ANXA2: variants seen among roughly 807,000 people sequenced by gnomAD.
The protein encoded by ANXA2 is annexin A2.
A neutral mutation model predicts 47.3 loss-of-function variants in ANXA2; 28 were observed. That is an observed-to-expected ratio of 0.59 (90% confidence interval 0.44 to 0.81). The LOEUF (loss-of-function observed/expected upper bound fraction) is 0.81. Ranked by LOEUF, ANXA2 falls within the 40% of genes least tolerant of loss-of-function variation. The probability of loss-of-function intolerance (pLI) is 0.00; values close to 1 mark genes in which losing one functional copy is unlikely to be tolerated. For synonymous variants in ANXA2, 172 were observed against 155.5 expected (o/e 1.11, Z -0.79); for missense variants, 384 against 414.3 (o/e 0.93, Z 0.64).
At chr15:60,354,059 T>A (rs898973554) in intron 8 of ANXA2, 95 bp downstream of exon 8, 92 of 937,560 alleles carry the variant, frequency 9.8e-5, no homozygotes, top group Non-Finnish European at 1.5e-4. Flanking sequence ...CCACAGAGTT[T>A]GGGAGTCATT....
chr15:60,347,697 G>C lies in ANXA2; in HGVS notation c.961-8C>G. On this transcript the variant is annotated splice_region_variant and splice_polypyrimidine_tract_variant and intron_variant, in intron 12 of 12. Coordinates refer to ENST00000451270, the MANE Select transcript of ANXA2 (RefSeq NM_004039.3). Reference sequence around the variant, plus strand: ...GTCGCCCTTAGTGTCTTGCTACAATGGCCCAGGAAAGAAAAGAAACGTGGT... The same window carrying C: ...GTCGCCCTTAGTGTCTTGCTACAATCGCCCAGGAAAGAAAAGAAACGTGGT... 1 of 1,613,892 alleles carries C rather than the reference G, an allele frequency of 6.2e-7. No individual in the cohort carries two copies. The highest frequency in any genetic ancestry group is 8.5e-7 in the Non-Finnish European group (1 of 1,179,820).
chr15:60,369,718 G>A (rs957893974), intron 3 of ANXA2, among the ~76,000 whole-genome samples: 3 of 152,186 alleles, frequency 2.0e-5, no homozygotes, highest in African/African-American at 4.8e-5. Flanking sequence ...AAACTCCCTA[G>A]TAATTCCTTA....
rs1595682707 is a variant in ANXA2 at position 60,367,413 on chromosome 15, G to A, written c.149-2890C>T. On this transcript the variant is annotated intron_variant, in intron 3 of 12. Transcript: ENST00000451270. The stretch of plus-strand genomic sequence containing the variant: ...GGAGGCGGGGGGGGGTCGGCCAGCC[G>A]CCCCGTCCGGGAGGGAGGTGGGGGG... 8.4e-5 allele frequency among the ~76,000 whole-genome samples: 3 copies of A among 35,838 alleles called. 1 individual carries two copies. Among genetic ancestry groups the A allele is most frequent in the African/African-American group, 2.5e-4 (2 of 7,868 alleles). 23.5% of individuals were successfully genotyped at this position (35,838 alleles called of 152,430 possible).
At chr15:60,370,984 C>T (rs2062702626) in intron 3 of ANXA2, among the ~76,000 whole-genome samples, 2 of 152,178 alleles carry the variant, frequency 1.3e-5, no homozygotes, top group Admixed American at 1.3e-4. Flanking sequence ...GGTGACCCCA[C>T]AGAATATGGG....
At chr15:60,354,664 A>C (rs1851203546) in intron 7 of ANXA2, among the ~76,000 whole-genome samples, 1 of 151,812 alleles carries the variant, frequency 6.6e-6, no homozygotes, top group Non-Finnish European at 1.5e-5. Context: ...AAAGAAAAAG[A>C]AACCTAGACC....
intron 12 of ANXA2, among the ~76,000 whole-genome samples, chr15:60,348,245 C>G (rs562726158): frequency 6.6e-6 from 1 of 152,158 alleles, no homozygotes; most frequent in East Asian, 1.9e-4. Context: ...CTTTGGACAT[C>G]TGAGGAACTT....
At chr15:60,378,011 C>A (rs1218933256) in intron 3 of ANXA2, among the ~76,000 whole-genome samples, 1 of 152,050 alleles carries the variant, frequency 6.6e-6, no homozygotes, top group African/African-American at 2.4e-5. Flanking sequence ...TTGCTTGAAC[C>A]CAGGAGGGTT....
At chr15:60,397,434 C>T (rs2063095813) in intron 1 of ANXA2, 6 of 562,252 alleles carry the variant, frequency 1.1e-5, no homozygotes, top group Non-Finnish European at 1.1e-5. Context: ...TCCCCCGCTA[C>T]TTCCCTCCTG....
In ANXA2 at chr15:60,355,984, G is replaced by C. The variant is rs149342338; in HGVS notation, c.463C>G (p.Leu155Val). The change falls in exon 7 of 13, where the codon CTG becomes GTG. Residue 155 changes from leucine (L) to valine (V), a missense_variant. By Grantham distance (32) the Leu-to-Val change is conservative. Transcript: ENST00000451270. ...GTGTCCGAAATAATGTCCTTCTCCA[G>C]ATCAGTCTTGTACACTTGGAGGAAA... ...RVYKEMYKTD[L>V]EKDIISDTSG... 2 of 1,613,752 alleles carry C rather than the reference G, an allele frequency of 1.2e-6. No individual in the cohort carries two copies. Among genetic ancestry groups the C allele is most frequent in the East Asian group, 2.2e-5 (1 of 44,886 alleles).
chr15:60,395,076 A>G (rs1360326541), intron 1 of ANXA2, among the ~76,000 whole-genome samples: 2 of 151,954 alleles, frequency 1.3e-5, no homozygotes, highest in East Asian at 3.8e-4. Flanking sequence ...ATTTTAAGCA[A>G]AACTTCCCCG....
At chr15:60,385,258 G>A (rs149267803) in intron 2 of ANXA2, among the ~76,000 whole-genome samples, 119 of 152,276 alleles carry the variant, frequency 7.8e-4, no homozygotes, top group East Asian at 2.5e-3. Flanking sequence ...TTTTCCAGGT[G>A]TGAAATTTTT....
chr15:60,374,949 C>T (rs1286579456), intron 3 of ANXA2, among the ~76,000 whole-genome samples: 1 of 152,244 alleles, frequency 6.6e-6, no homozygotes, highest in Non-Finnish European at 1.5e-5. Context: ...GTTGGTTTAG[C>T]TCCTCACTTG....
At position 60,393,427 on chromosome 15, in the gene ANXA2, C is replaced by A. The variant is rs377295529; in HGVS notation, c.-12+4516G>T. The A allele has an allele frequency of 1.3e-5, 13 of 1,006,610 alleles. No individual in the cohort carries two copies. The African/African-American group carries it at 2.3e-4, about 17-fold the overall frequency. The allele number at this position is 1,006,610 out of a possible 1,614,324, so 62.4% of individuals were successfully genotyped here. ...TATGGCCCACATATTGTATTTTCAACAGGGCCTGGCCGCCTACAGAAAAAA... is the reference window on the plus strand; with the variant it reads ...TATGGCCCACATATTGTATTTTCAAAAGGGCCTGGCCGCCTACAGAAAAAA... On this transcript the variant is annotated intron_variant, in intron 1 of 12. Coordinates refer to ENST00000451270, the MANE Select transcript of ANXA2 (RefSeq NM_004039.3).
At chr15:60,351,655 A>G in intron 10 of ANXA2, 69 bp downstream of exon 10, 2 of 998,078 alleles carry the variant, frequency 2.0e-6, no homozygotes, top group East Asian at 4.8e-5. Flanking sequence ...TTGGATTAAC[A>G]GGATGGCCAT....
chr15:60,355,598 A>G (rs2062415622), intron 7 of ANXA2: 1 of 433,348 alleles, frequency 2.3e-6, no homozygotes, highest in South Asian at 2.2e-5. Context: ...TGGGTCCTGC[A>G]TGACCACAGA....
At chr15:60,372,717 A>C (rs550097349) in intron 3 of ANXA2, among the ~76,000 whole-genome samples, 1 of 144,762 alleles carries the variant, frequency 6.9e-6, no homozygotes, top group African/African-American at 2.6e-5. Context: ...TTTTTTAAAC[A>C]GGGTCTCACT....
Position 60,364,521 on chromosome 15 carries a change from C to T in ANXA2, c.151G>A (p.Val51Met). 1 of 1,610,658 alleles carries T rather than the reference C, an allele frequency of 6.2e-7. No homozygotes were observed. Among genetic ancestry groups the T allele is most frequent in the Non-Finnish European group, 8.5e-7 (1 of 1,178,854 alleles). The change falls in exon 4 of 13, where the codon GTG becomes ATG. Residue 51 changes from valine (V) to methionine (M), a missense_variant and splice_region_variant. Coordinates refer to ENST00000451270, the MANE Select transcript of ANXA2 (RefSeq NM_004039.3). ...NIETAIKTKG[V>M]DEVTIVNILT... ...ATGTTGACAATGGTGACCTCATCCA[C>T]ACCTATGGAAATACAAGTTGTTAAT...
At position 60,369,340 on chromosome 15, in the gene ANXA2, G is replaced by C. The variant is rs2062682370; in HGVS notation, c.149-4817C>G. 2.6e-5 allele frequency among the ~76,000 whole-genome samples: 4 copies of C among 152,168 alleles called. No homozygotes were observed. The South Asian group carries it at 8.3e-4, about 31-fold the overall frequency. On this transcript the variant is annotated intron_variant, in intron 3 of 12. Transcript: ENST00000451270. ...GTCTCTCAAAATTCTATGGCTCTAG[G>C]TTTCTATTAGGAAAACCACTTGTTT...
intron 3 of ANXA2, among the ~76,000 whole-genome samples, chr15:60,368,377 T>C (rs1229767760): frequency 6.6e-6 from 1 of 151,816 alleles, no homozygotes; most frequent in African/African-American, 2.4e-5. Flanking sequence ...GAGATTCAGC[T>C]TCAAAGATGC....
Sources: allele counts gnomAD v4.1 joint callset (sites outside exome capture counted in the v4.1 genomes callset), GRCh38; gene constraint gnomAD v4.1.1; transcripts MANE v1.5; gene names NCBI Gene and HGNC (gene_info 2026-07-23, HGNC 2026-07-21).